The following KHDRBS2 variants were observed in gnomAD, a reference collection of about 807,000 sequenced individuals.
KHDRBS2 encodes KH domain-containing, RNA-binding, signal transduction-associated protein 2.
Under a neutral mutation model 44.3 loss-of-function variants are expected in KHDRBS2, and 26 were observed. The ratio of observed to expected loss-of-function variants is 0.59; its 90% CI spans 0.43 to 0.81. KHDRBS2 has a LOEUF of 0.81. Ranked by LOEUF, KHDRBS2 falls within the 40% of genes least tolerant of loss-of-function variation. The probability of loss-of-function intolerance (pLI) is 0.00; values close to 1 mark genes in which losing one functional copy is unlikely to be tolerated. For synonymous variants in KHDRBS2, 194 were observed against 151.1 expected (o/e 1.28, Z -2.08); for missense variants, 476 against 433.1 (o/e 1.10, Z -0.88).
chr6:62,147,010 G>A (rs1429922171), intron 2 of KHDRBS2, among the ~76,000 whole-genome samples: 1 of 151,896 alleles, frequency 6.6e-6, no homozygotes, highest in Non-Finnish European at 1.5e-5. Context: ...TTTACACTCA[G>A]TTGTTTAGAT....
chr6:61,591,870 T>A, the KHDRBS2 span, among the ~76,000 whole-genome samples: 1 of 151,962 alleles, frequency 6.6e-6, no homozygotes, highest in Non-Finnish European at 1.5e-5. Flanking sequence ...TTGCTGAAAA[T>A]CAATTGACAA....
chr6:61,951,725 G>C (rs916752911), intron 4 of KHDRBS2, among the ~76,000 whole-genome samples: 1 of 152,078 alleles, frequency 6.6e-6, no homozygotes, highest in Non-Finnish European at 1.5e-5. Context: ...TCTTGGGTTA[G>C]TGGCCATAAA....
chr6:61,976,115 A>G (rs941801488), intron 4 of KHDRBS2, among the ~76,000 whole-genome samples: 4 of 152,156 alleles, frequency 2.6e-5, no homozygotes, highest in African/African-American at 4.8e-5. Flanking sequence ...GAGTCTGTAT[A>G]TATGGTGCAT....
chr6:61,870,424 T>A (rs1798496154), intron 6 of KHDRBS2, among the ~76,000 whole-genome samples: 1 of 152,170 alleles, frequency 6.6e-6, no homozygotes, highest in Non-Finnish European at 1.5e-5. Context: ...CCCATCTGCC[T>A]GGGACAGAGC....
intron 2 of KHDRBS2, among the ~76,000 whole-genome samples, chr6:62,112,177 A>C (rs1039700687): frequency 6.6e-6 from 1 of 152,156 alleles, no homozygotes; most frequent in African/African-American, 2.4e-5. Flanking sequence ...CACCTTTCAT[A>C]ATGTATCTAA....
chr6:62,177,942 C>T (rs1181634920), intron 1 of KHDRBS2, among the ~76,000 whole-genome samples: 1 of 151,300 alleles, frequency 6.6e-6, no homozygotes, highest in African/African-American at 2.4e-5. Context: ...TTGGAGCATA[C>T]TTATCCACTC....
Position 61,697,206 on chromosome 6 carries a change from T to G in KHDRBS2, c.941A>C (p.Tyr314Ser), listed in dbSNP as rs61753607. The G allele has an allele frequency of 1.3e-4, 211 of 1,607,536 alleles. No individual in the cohort carries two copies. Among genetic ancestry groups the G allele is most frequent in the Non-Finnish European group, 1.8e-4 (209 of 1,174,176 alleles). The change falls in exon 8 of 9, where the codon TAT becomes TCT. Residue 314 changes from tyrosine (Y) to serine (S), a missense_variant. Coordinates refer to ENST00000281156, the MANE Select transcript of KHDRBS2 (RefSeq NM_152688.4). ...AGAAAAGGTCTTACCGTAGCTGTCATAGGCATCCTCACTTACTCCATGACC... is the reference window on the plus strand; with the variant it reads ...AGAAAAGGTCTTACCGTAGCTGTCAGAGGCATCCTCACTTACTCCATGACC... ...DYGHGVSEDAYDSYAPEEWAT... is the reference protein window; with the variant it reads ...DYGHGVSEDASDSYAPEEWAT...
intron 3 of KHDRBS2, among the ~76,000 whole-genome samples, chr6:62,028,737 T>A (rs1164665198): frequency 3.9e-5 from 6 of 152,240 alleles, no homozygotes; most frequent in Non-Finnish European, 7.4e-5. Flanking sequence ...CAAAACTCAT[T>A]GGCAATTTGT....
the KHDRBS2 span, among the ~76,000 whole-genome samples, chr6:61,669,379 T>C: frequency 2.0e-5 from 3 of 150,864 alleles, no homozygotes; most frequent in Non-Finnish European, 4.5e-5. Context: ...TAAGGATTCT[T>C]ATATATAAAC....
At chr6:62,277,895 G>A (rs1450304840) in intron 1 of KHDRBS2, among the ~76,000 whole-genome samples, 3 of 152,126 alleles carry the variant, frequency 2.0e-5, no homozygotes, top group Admixed American at 2.0e-4. Context: ...TGGAGCAAGA[G>A]GATGCTTGGC....
intron 6 of KHDRBS2, among the ~76,000 whole-genome samples, chr6:61,869,969 T>TG (rs1554252208): frequency 1.9e-5 from 2 of 105,056 alleles, no homozygotes; most frequent in Non-Finnish European, 3.9e-5. Flanking sequence ...GGAGTGTTTT[T>TG]TTTTTTTTTT....
intron 1 of KHDRBS2, among the ~76,000 whole-genome samples, chr6:62,260,958 A>G (rs1322089325): frequency 6.6e-6 from 1 of 151,894 alleles, no homozygotes; most frequent in Non-Finnish European, 1.5e-5. Flanking sequence ...TTTTTCAGGG[A>G]TATCTGAGAT....
intron 8 of KHDRBS2, among the ~76,000 whole-genome samples, chr6:61,684,070 C>G (rs1766577213): frequency 6.6e-6 from 1 of 151,882 alleles, no homozygotes; most frequent in South Asian, 2.1e-4. Flanking sequence ...CCATCTTTAT[C>G]TTTCCTAATA....
chr6:61,578,415 T>A, the KHDRBS2 span, among the ~76,000 whole-genome samples: 3 of 152,182 alleles, frequency 2.0e-5, no homozygotes, highest in African/African-American at 7.2e-5. Flanking sequence ...AAAGACAGTG[T>A]AGCTGTAAAA....
At chr6:61,837,355 T>C (rs1250849207) in intron 6 of KHDRBS2, among the ~76,000 whole-genome samples, 2 of 152,016 alleles carry the variant, frequency 1.3e-5, no homozygotes, top group Non-Finnish European at 2.9e-5. Flanking sequence ...ACTTGGTCTC[T>C]GAAGACCATA....
At chr6:61,918,043 G>A (rs1016455982) in intron 4 of KHDRBS2, among the ~76,000 whole-genome samples, 26 of 151,994 alleles carry the variant, frequency 1.7e-4, no homozygotes, top group African/African-American at 6.0e-4. Flanking sequence ...TCTTTATGGC[G>A]CATCGGCGAA....
chr6:61,566,230 T>C, the KHDRBS2 span, among the ~76,000 whole-genome samples: 1 of 152,084 alleles, frequency 6.6e-6, no homozygotes, highest in Non-Finnish European at 1.5e-5. Context: ...TACCAGAGGC[T>C]GAGAAGTGCA....
chr6:62,125,574 A>T (rs1808771797), intron 2 of KHDRBS2, among the ~76,000 whole-genome samples: 1 of 152,306 alleles, frequency 6.6e-6, no homozygotes, highest in South Asian at 2.1e-4. Flanking sequence ...CAGCTTCAAA[A>T]GAAACTCCTT....
At chr6:61,895,938 C>G (rs893735214) in intron 5 of KHDRBS2, among the ~76,000 whole-genome samples, 1 of 151,994 alleles carries the variant, frequency 6.6e-6, no homozygotes, top group African/African-American at 2.4e-5. Context: ...GCTGGCAAAA[C>G]CTTTAAAATT....
Sources: allele counts gnomAD v4.1 joint callset (sites outside exome capture counted in the v4.1 genomes callset), GRCh38; gene constraint gnomAD v4.1.1; transcripts MANE v1.5; gene names NCBI Gene and HGNC (gene_info 2026-07-23, HGNC 2026-07-21).